The following LSP1 variants were observed in gnomAD, a reference collection of about 807,000 sequenced individuals.
LSP1 encodes the protein lymphocyte specific protein 1, also known as lymphocyte-specific protein 1.
Under a neutral mutation model 49.3 loss-of-function variants are expected in LSP1, and 32 were observed. The ratio of observed to expected loss-of-function variants is 0.65; its 90% CI spans 0.49 to 0.87. The LOEUF is 0.87. LSP1 is among the 40% of genes least tolerant of loss of function. The probability of loss-of-function intolerance (pLI) is 0.00; values close to 1 mark genes in which losing one functional copy is unlikely to be tolerated. For missense variants in LSP1, 428 were observed against 442.6 expected (o/e 0.97, Z 0.30); for synonymous variants, 179 against 178.8 (o/e 1.00, Z -0.01).
In LSP1 at chr11:1,886,765, G is replaced by A; in HGVS notation, c.751G>A (p.Ala251Thr). The change falls in exon 8 of 11, where the codon GCC (alanine) becomes ACC (threonine). Residue 251 changes from alanine to threonine, a missense_variant. Ala to Thr is a moderately conservative substitution (Grantham distance 58). Transcript: ENST00000311604. ...AGRTPKLARQASIELPSMAVA... is the reference protein window; with the variant it reads ...AGRTPKLARQTSIELPSMAVA... Reference sequence around the variant, plus strand: ...CCGGACCCCCAAGCTAGCCCGCCAGGCCTCCATAGAGCTGCCCAGCATGGC... The same window carrying A: ...CCGGACCCCCAAGCTAGCCCGCCAGACCTCCATAGAGCTGCCCAGCATGGC... 6.2e-7 allele frequency: 1 copy of A among 1,611,532 alleles called. No homozygotes were observed. Among genetic ancestry groups the A allele is most frequent in the Non-Finnish European group, 8.5e-7 (1 of 1,179,504 alleles).
rs1243357956 is a variant in LSP1, at chr11:1,870,326, C to T, written c.54-9761C>T. ...CATCCTGGGGCTTGGCAGGGGGTGC[C>T]CGCAGCACCCGGGGACATACACCGG... is the stretch of plus-strand genomic sequence containing the variant. On this transcript the variant is annotated intron_variant, in intron 1 of 10. Transcript: ENST00000311604. 7 of 1,292,210 alleles carry T rather than the reference C, an allele frequency of 5.4e-6. No individual in the cohort carries two copies. The Admixed American group carries it at 9.2e-5, about 17-fold the overall frequency. The allele number at this position is 1,292,210 out of a possible 1,614,324, so 80.0% of individuals were successfully genotyped here.
intron 1 of LSP1, among the ~76,000 whole-genome samples, chr11:1,868,195 G>A (rs1847857372): frequency 6.6e-6 from 1 of 152,258 alleles, no homozygotes; most frequent in Admixed American, 6.5e-5. Flanking sequence ...CCTGCTACCT[G>A]TGGGGTCCTG....
At chr11:1,857,534 C>G (rs1234680547) in intron 1 of LSP1, among the ~76,000 whole-genome samples, 1 of 152,202 alleles carries the variant, frequency 6.6e-6, no homozygotes, top group Non-Finnish European at 1.5e-5. Context: ...GGGGCGTGAG[C>G]TCTGCCTTGC....
intron 1 of LSP1, chr11:1,864,422 G>A (rs759766740): frequency 5.2e-5 from 9 of 173,890 alleles, no homozygotes; most frequent in African/African-American, 7.2e-5. Context: ...ACCGAGAAGC[G>A]GGCAGCGGCT....
intron 1 of LSP1, among the ~76,000 whole-genome samples, chr11:1,856,527 G>A (rs1217558130): frequency 2.6e-5 from 4 of 152,350 alleles, no homozygotes; most frequent in South Asian, 4.1e-4. Flanking sequence ...CTGGAGCCCC[G>A]CCTGGCCCAT....
chr11:1,874,801 T>C (rs914416461), intron 1 of LSP1, among the ~76,000 whole-genome samples: 15 of 151,336 alleles, frequency 9.9e-5, no homozygotes, highest in Non-Finnish European at 1.8e-4. Flanking sequence ...ACCTAGGGGG[T>C]CCCTCAAGAG....
At chr11:1,881,089 C>T (rs1330075953) in intron 2 of LSP1, 3 of 235,902 alleles carry the variant, frequency 1.3e-5, no homozygotes, top group Admixed American at 5.4e-5. Context: ...ATCGAAGAGG[C>T]ACAGCCTTAC....
At chr11:1,864,130 A>G in intron 1 of LSP1, 1 of 964,476 alleles carries the variant, frequency 1.0e-6, no homozygotes, top group Non-Finnish European at 1.2e-6. Context: ...ATAGGGACAG[A>G]GACACCAGAG....
At chr11:1,878,479 G>A (rs1010320719) in intron 1 of LSP1, among the ~76,000 whole-genome samples, 3 of 149,808 alleles carry the variant, frequency 2.0e-5, no homozygotes, top group Non-Finnish European at 4.5e-5. Flanking sequence ...GGATTCGGGG[G>A]CGCGGGGGGC....
intron 1 of LSP1, among the ~76,000 whole-genome samples, chr11:1,873,058 C>T (rs998768476): frequency 3.3e-5 from 5 of 151,838 alleles, no homozygotes; most frequent in African/African-American, 4.8e-5. Context: ...CACCTCTCCC[C>T]AGAGGTGGAG....
intron 1 of LSP1, among the ~76,000 whole-genome samples, chr11:1,871,727 CT>C (rs1391642162): frequency 6.9e-6 from 1 of 145,514 alleles, no homozygotes; most frequent in Non-Finnish European, 1.5e-5. Flanking sequence ...GCGTGGGCAC[CT>C]TTGGGAGGGG....
chr11:1,861,025 A>G (rs1373890014), intron 1 of LSP1, among the ~76,000 whole-genome samples: 1 of 152,226 alleles, frequency 6.6e-6, no homozygotes, highest in Non-Finnish European at 1.5e-5. Flanking sequence ...GAATCAATAG[A>G]CAATTGAATC....
chr11:1,881,352 G>A (rs553086655), intron 2 of LSP1, 80 bp from the exon 3 acceptor site: 447 of 1,367,162 alleles, frequency 3.3e-4, no homozygotes, highest in Non-Finnish European at 4.1e-4. Context: ...GGGCCTGAGC[G>A]GGCGCCGTGA....
chr11:1,880,654 T>C (rs1343896584), intron 2 of LSP1: 4 of 164,530 alleles, frequency 2.4e-5, no homozygotes, highest in Admixed American at 1.9e-4. Context: ...ATGCTTCCCT[T>C]CCTTCTGGCC....
At chr11:1,870,854 G>C (rs1282083528) in intron 1 of LSP1, 75 of 986,574 alleles carry the variant, frequency 7.6e-5, no homozygotes, top group Non-Finnish European at 8.9e-5. Context: ...CGTGCCAAAA[G>C]CCTGCCTCGT....
chr11:1,861,124 C>T (rs891268025), intron 1 of LSP1, among the ~76,000 whole-genome samples: 7 of 152,162 alleles, frequency 4.6e-5, no homozygotes, highest in African/African-American at 1.7e-4. Flanking sequence ...ACACTTCCTC[C>T]CATTTCTCTC....
In LSP1 at chr11:1,868,318, G is replaced by A. The variant is rs532176534; in HGVS notation, c.54-11769G>A. Among the ~76,000 whole-genome samples the A allele has an allele frequency of 2.6e-5, 4 of 152,184 alleles. No individual in the cohort carries two copies. The East Asian group carries it at 5.8e-4, about 22-fold the overall frequency. On this transcript the variant is annotated intron_variant, in intron 1 of 10. Coordinates refer to ENST00000311604, the MANE Select transcript of LSP1 (RefSeq NM_002339.3). Reference sequence around the variant, plus strand: ...GTTCTTATCAAGCATTGAGGTCCCCGGAGCCCCGTGCCCACCCTTAGCCAT... The same window carrying A: ...GTTCTTATCAAGCATTGAGGTCCCCAGAGCCCCGTGCCCACCCTTAGCCAT...
intron 10 of LSP1, chr11:1,889,459 C>A (rs993746568): frequency 4.7e-6 from 3 of 635,228 alleles, no homozygotes; most frequent in South Asian, 3.6e-5. Flanking sequence ...GGGGCAGGCA[C>A]CTCCTGCTCT....
At chr11:1,871,113 A>G (rs57209236) in intron 1 of LSP1, 41,968 of 985,542 alleles carry the variant, frequency 0.043, 947 homozygotes, top group African/African-American at 0.052. Context: ...AAGGTCCCGC[A>G]GGTCGCCTCG....
Sources: allele counts gnomAD v4.1 joint callset (sites outside exome capture counted in the v4.1 genomes callset), GRCh38; gene constraint gnomAD v4.1.1; transcripts MANE v1.5; gene names NCBI Gene and HGNC (gene_info 2026-07-23, HGNC 2026-07-21).